ABCC4: variants seen among roughly 807,000 people sequenced by gnomAD.
ABCC4 encodes ATP-binding cassette sub-family C member 4.
ABCC4 carries 102 observed loss-of-function variants against 168.5 expected under a neutral mutation model. That is an observed-to-expected ratio of 0.61 (90% CI 0.52 to 0.71). The LOEUF (loss-of-function observed/expected upper bound fraction) is 0.71, where lower values mean the gene tolerates loss of function less well. Ranked by LOEUF, ABCC4 falls within the 30% of genes least tolerant of loss-of-function variation. The pLI, the probability that ABCC4 is intolerant of heterozygous loss-of-function variation, is 0.00. For synonymous variants in ABCC4, 617 were observed against 590.7 expected, an observed-to-expected ratio of 1.04 and a Z score of -0.65; for missense variants, 1,402 against 1,605.8, an observed-to-expected ratio of 0.87 and a Z score of 2.17.
chr13:95,300,337 C>T (rs35513103), intron 1 of ABCC4, among the ~76,000 whole-genome samples: 2,879 of 152,188 alleles, frequency 0.019, 61 homozygotes, highest in East Asian at 0.09. Flanking sequence ...ACCCCACCTC[C>T]GAGCTGTCCT....
rs1300677359 is a variant in ABCC4 at position 95,208,260 on chromosome 13, T to C, written c.786-335A>G. Among the ~76,000 whole-genome samples, 3 of 139,344 alleles carry C rather than the reference T, an allele frequency of 2.2e-5. No individual in the cohort carries two copies. In the South Asian group the frequency reaches 6.9e-4, roughly 32 times the overall value. The allele number at this position is 139,344 out of a possible 152,430, so 91.4% of individuals were successfully genotyped here. A position where few individuals can be genotyped will look rare whatever the true frequency, so the allele number is the denominator to read the frequency against. ...TGACGATAACACAGTGGTCAGAGAGTGCTAAAATGGGAATGAAGTGCTGGG... is the reference window on the plus strand; with the variant it reads ...TGACGATAACACAGTGGTCAGAGAGCGCTAAAATGGGAATGAAGTGCTGGG... On this transcript the variant is annotated intron_variant, in intron 6 of 30. Transcript: ENST00000645237.
chr13:95,061,374 C>A (rs933066842), intron 26 of ABCC4, among the ~76,000 whole-genome samples: 5 of 151,850 alleles, frequency 3.3e-5, no homozygotes, highest in African/African-American at 1.2e-4. Flanking sequence ...ATTACTTAAG[C>A]GTGATTCCAA....
In ABCC4 at chr13:95,272,981, C is replaced by CA. The variant is rs2040882707; in HGVS notation, c.75-25229_75-25228insT. ...CAAAATCATACACACACACACACAC[C>CA]CCCTACAGGACCCCAATGACTTTAT... On this transcript the variant is annotated intron_variant, in intron 1 of 30. Transcript: ENST00000645237. Among the ~76,000 whole-genome samples, 3 of 152,100 alleles carry CA rather than the reference C, an allele frequency of 2.0e-5. No homozygotes were observed. In the South Asian group the frequency reaches 6.2e-4, roughly 32 times the overall value.
At chr13:95,164,040 C>CAA (rs764381643) in intron 16 of ABCC4, among the ~76,000 whole-genome samples, 6,166 of 72,702 alleles carry the variant, frequency 0.085, 167 homozygotes, top group East Asian at 0.25. Flanking sequence ...AACTCCATCT[C>CAA]AAAAAAAAAA....
chr13:95,290,146 A>AGATAGATAGATAGATG (rs974602496), intron 1 of ABCC4, among the ~76,000 whole-genome samples: 1 of 149,832 alleles, frequency 6.7e-6, no homozygotes, highest in Non-Finnish European at 1.5e-5. Context: ...ATAGATAGAT[A>AGATAGATAGATAGATG]GATGATAGAT....
chr13:95,199,952 G>A (rs911033537), intron 8 of ABCC4, among the ~76,000 whole-genome samples: 4 of 152,092 alleles, frequency 2.6e-5, no homozygotes, highest in Admixed American at 1.3e-4. Context: ...TTGAGCCTTC[G>A]CAGGAAGCAC....
intron 9 of ABCC4, among the ~76,000 whole-genome samples, chr13:95,193,442 C>T (rs2038321591): frequency 6.6e-6 from 1 of 152,186 alleles, no homozygotes. Flanking sequence ...CAGACATCAT[C>T]TCCAGCCCCG....
intron 9 of ABCC4, among the ~76,000 whole-genome samples, chr13:95,189,628 C>G (rs2139629972): frequency 6.6e-6 from 1 of 152,276 alleles, no homozygotes; most frequent in African/African-American, 2.4e-5. Context: ...CAGTTATGCC[C>G]AGCCAGCCAG....
chr13:95,256,233 G>A (rs1470643256), intron 1 of ABCC4, among the ~76,000 whole-genome samples: 1 of 152,192 alleles, frequency 6.6e-6, no homozygotes, highest in Non-Finnish European at 1.5e-5. Flanking sequence ...ATCATGCCCG[G>A]CTAAGTGAGT....
At chr13:95,179,801 T>C (rs930910215) in intron 11 of ABCC4, among the ~76,000 whole-genome samples, 5 of 152,150 alleles carry the variant, frequency 3.3e-5, no homozygotes, top group Admixed American at 6.5e-5. Context: ...AAATGGCACA[T>C]TGAGATCTCC....
intron 20 of ABCC4, among the ~76,000 whole-genome samples, chr13:95,097,660 C>T (rs2034652802): frequency 7.5e-6 from 1 of 132,856 alleles, no homozygotes; most frequent in African/African-American, 3.0e-5. Flanking sequence ...AAATACTGGG[C>T]CATTAAAGAA....
intron 21 of ABCC4, among the ~76,000 whole-genome samples, chr13:95,079,353 TC>T (rs1443828648): frequency 6.6e-6 from 1 of 152,208 alleles, no homozygotes; most frequent in Non-Finnish European, 1.5e-5. Flanking sequence ...CATGCAAAGA[TC>T]TGGTCTACCA....
chr13:95,298,843 C>CA (rs1299425040), intron 1 of ABCC4, among the ~76,000 whole-genome samples: 1 of 152,120 alleles, frequency 6.6e-6, no homozygotes, highest in East Asian at 1.9e-4. Context: ...CGGAGTAAAA[C>CA]AGAGGTCTAC....
intron 8 of ABCC4, among the ~76,000 whole-genome samples, chr13:95,196,721 GAAGGAAGGAAGA>G (rs2038462712): frequency 9.8e-6 from 1 of 101,812 alleles, no homozygotes; most frequent in African/African-American, 3.1e-5. Context: ...AGGAAGGAAG[GAAGGAAGGAAGA>G]AGGGAGGGAG....
At chr13:95,206,402 G>A in intron 8 of ABCC4, 130 bp downstream of exon 8, 1 of 1,229,528 alleles carries the variant, frequency 8.1e-7, no homozygotes. Context: ...ACAACATTCT[G>A]GAATGGCGGC....
intron 26 of ABCC4, 143 bp downstream of exon 26, chr13:95,062,561 A>G: frequency 1.4e-6 from 1 of 732,148 alleles, no homozygotes; most frequent in South Asian, 2.0e-5. Flanking sequence ...ACCTGTTGAA[A>G]ATATCTGCTC....
rs750244546 is a variant in ABCC4, at chr13:95,209,466, T to C, written c.753A>G (p.Gln251=). Residue 251 remains glutamine (Q), a synonymous_variant, in exon 6 of 31, where the codon CAA becomes CAG. Coordinates refer to ENST00000645237, the MANE Select transcript of ABCC4 (RefSeq NM_005845.5). ...MAVLIILLPL[Q]SCFGKLFSSL... is the part of the protein sequence containing the mutation. ...ATGAGAACAACTTCCCAAAACAGCT[T>C]TGCAAGGGCAGGAGAATGATTAGAA... 1.9e-6 allele frequency: 3 copies of C among 1,614,070 alleles called. No individual in the cohort carries two copies. The highest frequency in any genetic ancestry group is 4.5e-5 in the East Asian group (2 of 44,902).
At chr13:95,124,564 A>T (rs1208429021) in intron 19 of ABCC4, among the ~76,000 whole-genome samples, 26 of 764 alleles carry the variant, frequency 0.034, no homozygotes, top group Middle Eastern at 0.17. Context: ...CCCTTTCTTA[A>T]AAAAAAAAAA....
chr13:95,132,795 C>T (rs1041060572), intron 19 of ABCC4, among the ~76,000 whole-genome samples: 3 of 151,940 alleles, frequency 2.0e-5, no homozygotes, highest in African/African-American at 7.3e-5. Flanking sequence ...GGACATTACA[C>T]GAAATAAAAT....
Sources: gnomAD v4.1 joint callset for allele counts (sites outside exome capture counted in the v4.1 genomes callset) on GRCh38, gnomAD v4.1.1 for gene constraint, MANE v1.5 for transcripts, NCBI Gene and HGNC (gene_info 2026-07-23, HGNC 2026-07-21) for gene names.